NAV3: variants seen among roughly 807,000 people sequenced by gnomAD.
NAV3 encodes neuron navigator 3.
A neutral mutation model predicts 244.7 loss-of-function variants in NAV3; 87 were observed. That is an observed-to-expected ratio of 0.36 (90% CI 0.30 to 0.42). The LOEUF (loss-of-function observed/expected upper bound fraction) is 0.42, where lower values mean the gene tolerates loss of function less well. Ranked by LOEUF, NAV3 falls within the 20% of genes least tolerant of loss-of-function variation. The pLI is 1.00. For synonymous variants in NAV3, 1,126 were observed against 1,042.2 expected (o/e 1.08, Z -1.55); for missense variants, 2,663 against 2,893.3 (o/e 0.92, Z 1.83).
intron 34 of NAV3, among the ~76,000 whole-genome samples, chr12:78,190,432 C>T (rs1233192990): frequency 6.6e-6 from 1 of 151,680 alleles, no homozygotes; most frequent in Non-Finnish European, 1.5e-5. Flanking sequence ...TCAGGTACTC[C>T]CTAAGATATT....
intron 12 of NAV3, among the ~76,000 whole-genome samples, chr12:78,069,454 C>T (rs1952641790): frequency 6.6e-6 from 1 of 151,698 alleles, no homozygotes; most frequent in Non-Finnish European, 1.5e-5. Context: ...GCTTCTTTAC[C>T]CTTTCTATTT....
intron 2 of NAV3, among the ~76,000 whole-genome samples, chr12:77,824,238 TA>T (rs35297041): frequency 4.9e-5 from 6 of 123,168 alleles, no homozygotes; most frequent in African/African-American, 1.6e-4. Context: ...CACGCCCAAC[TA>T]AATTTTTTTT....
intron 2 of NAV3, among the ~76,000 whole-genome samples, chr12:77,688,182 T>TA (rs550174028): frequency 2.6e-5 from 4 of 151,384 alleles, no homozygotes; most frequent in Non-Finnish European, 3.0e-5. Context: ...ACCGAAAAGT[T>TA]AAAAAAAAAT....
At chr12:77,586,307 C>T (rs114623666) in intron 2 of NAV3, among the ~76,000 whole-genome samples, 5,701 of 152,230 alleles carry the variant, frequency 0.037, 159 homozygotes, top group Middle Eastern at 0.085. Flanking sequence ...TGGGAAAGCA[C>T]TTTCCCAGAT....
chr12:78,184,864 T>A (rs937859862), intron 30 of NAV3, among the ~76,000 whole-genome samples: 23 of 151,796 alleles, frequency 1.5e-4, no homozygotes, highest in African/African-American at 5.6e-4. Context: ...TTTGGAATAG[T>A]TTGCCTTAAT....
At chr12:77,609,184 G>C (rs1042229404) in intron 2 of NAV3, among the ~76,000 whole-genome samples, 1 of 151,926 alleles carries the variant, frequency 6.6e-6, no homozygotes, top group African/African-American at 2.4e-5. Context: ...TGGGTGTCAT[G>C]CTTCAATTAA....
At chr12:77,932,387 G>A (rs1462939504) in intron 1 of NAV3, among the ~76,000 whole-genome samples, 1 of 152,068 alleles carries the variant, frequency 6.6e-6, no homozygotes, top group African/African-American at 2.4e-5. Context: ...GGGTCTGTGG[G>A]AAAATCTGTT....
At position 78,007,085 on chromosome 12, in the gene NAV3, A is replaced by G. The variant is rs529588724; in HGVS notation, c.1547A>G (p.Lys516Arg). 2 of 1,614,216 alleles carry G rather than the reference A, an allele frequency of 1.2e-6. No homozygotes were observed. Among genetic ancestry groups the G allele is most frequent in the East Asian group, 2.2e-5 (1 of 44,880 alleles). ...AAGGGCAGCAAGACAACAGCAGCTA[A>G]GAAGGAAAGCTTAATTCCGTCTTCC... ...IPKGSKTTAA[K>R]KESLIPSSSG... Residue 516 changes from lysine (K) to arginine (R), a missense_variant, in exon 8 of 40, where the codon AAG (lysine) becomes AGG (arginine). This residue lies in a region of NAV3 where 1,521 missense variants were observed against 1,497.0 expected (regional missense o/e 1.02). Transcript: ENST00000397909.
At chr12:78,070,997 A>G (rs1481182284) in intron 12 of NAV3, among the ~76,000 whole-genome samples, 2 of 148,690 alleles carry the variant, frequency 1.3e-5, no homozygotes, top group East Asian at 2.0e-4. Flanking sequence ...GTTGTGAATA[A>G]TGCCGCAATA....
intron 8 of NAV3, among the ~76,000 whole-genome samples, chr12:78,013,875 G>C (rs1875731013): frequency 6.6e-6 from 1 of 151,828 alleles, no homozygotes; most frequent in Non-Finnish European, 1.5e-5. Context: ...TTTTCATTCT[G>C]TTTTTTTAAA....
chr12:77,840,780 C>G (rs183476577), intron 1 of NAV3, among the ~76,000 whole-genome samples: 118 of 152,284 alleles, frequency 7.7e-4, no homozygotes, highest in African/African-American at 2.5e-3. Context: ...TAGGGCAGAG[C>G]TGGAATTCCA....
chr12:77,991,013 GT>G (rs1188550230), intron 5 of NAV3, among the ~76,000 whole-genome samples: 2 of 151,982 alleles, frequency 1.3e-5, no homozygotes, highest in South Asian at 2.1e-4. Context: ...AAATGTATTA[GT>G]TTTATTGTTT....
intron 22 of NAV3, among the ~76,000 whole-genome samples, chr12:78,150,629 CCTCACA>C (rs779327115): frequency 6.3e-4 from 77 of 122,638 alleles, no homozygotes; most frequent in African/African-American, 1.3e-3. Context: ...GCAAAAGCTT[CCTCACA>C]CACACACACA....
intron 1 of NAV3, among the ~76,000 whole-genome samples, chr12:77,869,715 T>C (rs968482115): frequency 6.6e-6 from 1 of 152,230 alleles, no homozygotes; most frequent in Non-Finnish European, 1.5e-5. Context: ...TAATATCATG[T>C]TCCTTTCATT....
chr12:77,744,039 A>G (rs1010908032), intron 2 of NAV3, among the ~76,000 whole-genome samples: 1 of 151,932 alleles, frequency 6.6e-6, no homozygotes, highest in Non-Finnish European at 1.5e-5. Context: ...ACCAATAAAG[A>G]TTCTATGTTA....
intron 5 of NAV3, among the ~76,000 whole-genome samples, chr12:77,984,984 T>G (rs542130940): frequency 2.0e-5 from 3 of 152,228 alleles, no homozygotes; most frequent in Admixed American, 1.3e-4. Flanking sequence ...GTTCAGCTAA[T>G]TTTTTGTATT....
chr12:77,825,249 C>G (rs1450467469), intron 2 of NAV3, among the ~76,000 whole-genome samples: 3 of 151,890 alleles, frequency 2.0e-5, no homozygotes, highest in African/African-American at 7.3e-5. Context: ...AAAATGATAC[C>G]AGATAAAAAT....
chr12:77,843,298 A>C (rs939838382), intron 1 of NAV3, among the ~76,000 whole-genome samples: 19 of 150,926 alleles, frequency 1.3e-4, no homozygotes, highest in African/African-American at 3.4e-4. Context: ...ATTGTATTAC[A>C]AAAAAAAAGA....
intron 23 of NAV3, among the ~76,000 whole-genome samples, chr12:78,160,376 G>GGAGTGTGTGTGTGT (rs1957477325): frequency 1.8e-5 from 1 of 56,434 alleles, no homozygotes; most frequent in Non-Finnish European, 3.5e-5. Flanking sequence ...AGAATTCTAT[G>GGAGTGTGTGTGTGT]GAGTGTGTGT....
Sources: gnomAD v4.1 joint callset for allele counts (sites outside exome capture counted in the v4.1 genomes callset) on GRCh38, gnomAD v4.1.1 for gene constraint, gnomAD v4.1.1 regional missense constraint, MANE v1.5 for transcripts, NCBI Gene and HGNC (gene_info 2026-07-23, HGNC 2026-07-21) for gene names.